The following RYR2 variants were observed in gnomAD, a reference collection of about 807,000 sequenced individuals.
RYR2 encodes the protein ryanodine receptor 2.
In RYR2, 227 loss-of-function variants were observed where a neutral mutation model predicts 601.1. That is an observed-to-expected ratio of 0.38 (90% CI 0.34 to 0.42). RYR2 has a LOEUF of 0.42. Among genes scored for constraint, RYR2 ranks in the 10% least tolerant of loss-of-function variants. The pLI is 1.00. For missense variants in RYR2, 4,646 were observed against 6,156.5 expected, an observed-to-expected ratio of 0.75 and a Z score of 8.21; for synonymous variants, 2,223 against 2,175.1, an observed-to-expected ratio of 1.02 and a Z score of -0.61.
At position 237,299,483 on chromosome 1, in the gene RYR2, A is replaced by T. The variant is rs554427904; in HGVS notation, c.168+28867A>T. 5.3e-5 allele frequency among the ~76,000 whole-genome samples: 8 copies of T among 152,330 alleles called. No homozygotes were observed. In the South Asian group the frequency reaches 8.3e-4, roughly 16 times the overall value. The stretch of plus-strand genomic sequence containing the variant: ...AGGAAACAACTATCAAAGCTCTGCA[A>T]TAGAGAAAATTCTCAATACTGTAAA... On this transcript the variant is annotated intron_variant, in intron 2 of 104. Transcript: ENST00000366574.
intron 70 of RYR2, among the ~76,000 whole-genome samples, chr1:237,711,236 T>G (rs556711037): frequency 1.3e-5 from 2 of 152,304 alleles, no homozygotes; most frequent in East Asian, 3.9e-4. Context: ...AAACATAAAT[T>G]GGCTAATGTG....
chr1:237,229,246 A>G (rs1303848584), intron 1 of RYR2, among the ~76,000 whole-genome samples: 1 of 152,234 alleles, frequency 6.6e-6, no homozygotes, highest in Non-Finnish European at 1.5e-5. Context: ...TGAAAAAAAG[A>G]AAGTATTCTA....
At chr1:237,294,926 C>T (rs1420490849) in intron 2 of RYR2, among the ~76,000 whole-genome samples, 1 of 152,048 alleles carries the variant, frequency 6.6e-6, no homozygotes, top group African/African-American at 2.4e-5. Flanking sequence ...AGAAATTGTA[C>T]TTATAGGCCA....
Position 237,828,314 on chromosome 1 carries a change from G to C in RYR2, c.14591-67G>C, listed in dbSNP as rs149628023. On this transcript the variant is annotated intron_variant, in intron 101 of 104. Transcript: ENST00000366574. Reference sequence around the variant, plus strand: ...TGTACATCTCCCCTTTCCCTGGGGGGATTAGCCAAGGAACTGAATTATTCA... The same window carrying C: ...TGTACATCTCCCCTTTCCCTGGGGGCATTAGCCAAGGAACTGAATTATTCA... The C allele has an allele frequency of 6.7e-3, 7,632 of 1,132,328 alleles. 39 individuals are homozygous for C. Among genetic ancestry groups the C allele is most frequent in the Non-Finnish European group, 8.9e-3 (6,895 of 775,064 alleles). The allele number at this position is 1,132,328 out of a possible 1,614,324, so 70.1% of individuals were successfully genotyped here.
At chr1:237,521,266 C>T (rs775142107) in intron 24 of RYR2, among the ~76,000 whole-genome samples, 2 of 152,158 alleles carry the variant, frequency 1.3e-5, no homozygotes, top group African/African-American at 2.4e-5. Flanking sequence ...AACTACAGAC[C>T]AATATCCCTG....
chr1:237,229,744 A>T (rs777879940), intron 1 of RYR2, among the ~76,000 whole-genome samples: 8 of 152,130 alleles, frequency 5.3e-5, no homozygotes, highest in Non-Finnish European at 1.0e-4. Flanking sequence ...TTTTTTCTTG[A>T]TCAAAACACA....
chr1:237,287,290 G>A (rs1485269025), intron 2 of RYR2, among the ~76,000 whole-genome samples: 1 of 152,168 alleles, frequency 6.6e-6, no homozygotes, highest in Non-Finnish European at 1.5e-5. Flanking sequence ...ATGTGCTTAG[G>A]TGAAGATCTT....
chr1:237,327,420 G>T (rs1055256587), intron 2 of RYR2, among the ~76,000 whole-genome samples: 1 of 152,078 alleles, frequency 6.6e-6, no homozygotes, highest in South Asian at 2.1e-4. Flanking sequence ...TGGTTTTCAA[G>T]GATCTTTAAA....
At chr1:237,357,015 C>T (rs953693001) in intron 4 of RYR2, among the ~76,000 whole-genome samples, 1 of 151,988 alleles carries the variant, frequency 6.6e-6, no homozygotes, top group Admixed American at 6.6e-5. Flanking sequence ...AGTGCCCTTT[C>T]AGTAGTGTTT....
intron 17 of RYR2, among the ~76,000 whole-genome samples, chr1:237,482,872 T>C (rs1473727748): frequency 6.6e-6 from 1 of 152,216 alleles, no homozygotes; most frequent in Non-Finnish European, 1.5e-5. Context: ...TGTTATTGCC[T>C]GTCTTTTGGA....
At chr1:237,332,238 T>G (rs1036239083) in intron 3 of RYR2, among the ~76,000 whole-genome samples, 4 of 152,170 alleles carry the variant, frequency 2.6e-5, no homozygotes, top group Admixed American at 2.0e-4. Flanking sequence ...TTTTAAAATT[T>G]TAGTGTCATG....
At chr1:237,411,046 A>G (rs1704405408) in intron 10 of RYR2, among the ~76,000 whole-genome samples, 1 of 152,192 alleles carries the variant, frequency 6.6e-6, no homozygotes, top group South Asian at 2.1e-4. Flanking sequence ...AAGTGAAATA[A>G]GCCAGGCACA....
rs768757680 is a variant in RYR2 at position 237,374,733 on chromosome 1, C to G, written c.401C>G (p.Ser134Cys). The G allele has an allele frequency of 2.5e-6, 4 of 1,612,724 alleles. No homozygotes were observed. The highest frequency in any genetic ancestry group is 2.5e-6 in the Non-Finnish European group (3 of 1,179,320). The change falls in exon 7 of 105, where the codon TCC becomes TGC. Residue 134 changes from serine to cysteine, a missense_variant. Physicochemically the swap from Ser to Cys is moderately radical, Grantham distance 112. Coordinates refer to ENST00000366574, the MANE Select transcript of RYR2 (RefSeq NM_001035.3). ...ACTTTGTAGTATCTGTGCTGCCTGT[C>G]CACCTCCCGGTCTTCAACTGATAAG... is the stretch of plus-strand genomic sequence containing the variant. The part of the protein sequence containing the change: ...SYSGMYLCCL[S>C]TSRSSTDKLA...
rs1354843652 is a variant in RYR2 at position 237,049,238 on chromosome 1, G to T, written c.48+6669G>T. Among the ~76,000 whole-genome samples the T allele has an allele frequency of 2.0e-5, 3 of 152,210 alleles. No individual in the cohort carries two copies. The East Asian group carries it at 5.8e-4, about 29-fold the overall frequency. On this transcript the variant is annotated intron_variant, in intron 1 of 104. Transcript: ENST00000366574. ...TCTGAGTGATTAGGGCTGCCCAAAA[G>T]AAATACTGGTTTAGAGTCAGAAGCT...
chr1:237,392,718 T>C (rs1041699668), intron 10 of RYR2, among the ~76,000 whole-genome samples: 5 of 152,156 alleles, frequency 3.3e-5, no homozygotes, highest in Non-Finnish European at 5.9e-5. Flanking sequence ...CTGTGCATAC[T>C]TTTATATTGA....
intron 71 of RYR2, among the ~76,000 whole-genome samples, chr1:237,715,519 T>C (rs1292017022): frequency 6.6e-6 from 1 of 152,176 alleles, no homozygotes; most frequent in Non-Finnish European, 1.5e-5. Flanking sequence ...AATTGAGCAA[T>C]TTGTAGATGT....
intron 1 of RYR2, among the ~76,000 whole-genome samples, chr1:237,175,728 C>A (rs1204551773): frequency 6.6e-6 from 1 of 152,038 alleles, no homozygotes; most frequent in African/African-American, 2.4e-5. Flanking sequence ...CAAGACAGTC[C>A]CAGCCAGGAC....
chr1:237,567,447 A>G (rs566145833), intron 28 of RYR2, among the ~76,000 whole-genome samples: 1 of 150,546 alleles, frequency 6.6e-6, no homozygotes, highest in South Asian at 2.1e-4. Flanking sequence ...AAAATTAGCC[A>G]AGCATGGTGG....
At chr1:237,560,914 A>G (rs1178801656) in intron 27 of RYR2, among the ~76,000 whole-genome samples, 2 of 152,220 alleles carry the variant, frequency 1.3e-5, no homozygotes, top group Admixed American at 6.5e-5. Context: ...AGTGGTGCCA[A>G]TCTGTTCGGT....
Sources: gnomAD v4.1 joint callset for allele counts (sites outside exome capture counted in the v4.1 genomes callset) on GRCh38, gnomAD v4.1.1 for gene constraint, MANE v1.5 for transcripts, NCBI Gene and HGNC (gene_info 2026-07-23, HGNC 2026-07-21) for gene names.